Variants in ANKRD60 observed in about 807,000 individuals in gnomAD.
The protein encoded by ANKRD60 is ankyrin repeat domain-containing protein 60.
A neutral mutation model predicts 21.3 loss-of-function variants in ANKRD60; 24 were observed. The observed-to-expected ratio is 1.13, with a 90% CI of 0.82 to 1.59. ANKRD60 has a LOEUF of 1.59. ANKRD60 is among the 40% of genes most tolerant of loss of function. ANKRD60 has a pLI of 0.00. For synonymous variants in ANKRD60, 182 were observed against 199.4 expected, an observed-to-expected ratio of 0.91 and a Z score of 0.74; for missense variants, 490 against 466.7, an observed-to-expected ratio of 1.05 and a Z score of -0.46.
chr20:58,222,799 G>T (rs981270095), intron 2 of ANKRD60, among the ~76,000 whole-genome samples: 1 of 152,148 alleles, frequency 6.6e-6, no homozygotes, highest in Non-Finnish European at 1.5e-5. Flanking sequence ...GTGCTGCCTC[G>T]ACTCCTTTGC....
At chr20:58,221,919 C>A (rs1004929902) in intron 2 of ANKRD60, among the ~76,000 whole-genome samples, 1 of 152,192 alleles carries the variant, frequency 6.6e-6, no homozygotes, top group African/African-American at 2.4e-5. Context: ...TGTGTGCCCA[C>A]TGTCTCCATT....
downstream of ANKRD60, among the ~76,000 whole-genome samples, chr20:58,216,501 A>G (rs1161091713): frequency 6.6e-6 from 1 of 152,238 alleles, no homozygotes; most frequent in African/African-American, 2.4e-5. Flanking sequence ...TTCATTAGCT[A>G]AATGGATTGC....
At chr20:58,223,254 G>C (rs991251908) in intron 1 of ANKRD60, 72 bp from the exon 2 acceptor site, 52 of 1,280,088 alleles carry the variant, frequency 4.1e-5, no homozygotes, top group Non-Finnish European at 5.5e-5. Context: ...GTTAAGTTAA[G>C]AGATTATCTG....
chr20:58,227,607 AT>A (rs1441110059), intron 1 of ANKRD60, among the ~76,000 whole-genome samples: 2 of 151,830 alleles, frequency 1.3e-5, no homozygotes, highest in Admixed American at 1.3e-4. Context: ...GGGCAATTTT[AT>A]TCTGGATTTG....
In ANKRD60 at chr20:58,228,630, C is replaced by A. The variant is rs2033602847; in HGVS notation, c.24G>T (p.Gly8=). The A allele has an allele frequency of 1.0e-6, 1 of 1,000,198 alleles. No individual in the cohort carries two copies. The highest frequency in any genetic ancestry group is 1.2e-6 in the Non-Finnish European group (1 of 833,534). 62.0% of individuals were successfully genotyped at this position (1,000,198 alleles called of 1,614,324 possible). ...CCGCCCCCGCCGCCGCCCGCCGCAT[C>A]CCCCAGGCGCGGCCGCGCGTCATCC... Residue 8 remains glycine, a synonymous_variant, in exon 1 of 4, where the codon GGG becomes GGT. Coordinates refer to ENST00000457363, the Ensembl canonical transcript of ANKRD60. The surrounding 1 kb of genome is among the most constrained non-coding windows in gnomAD (Gnocchi z 5.3).
At chr20:58,218,767 G>T (rs939080849) in exon 4 of ANKRD60, 3 of 1,550,484 alleles carry the variant, frequency 1.9e-6, no homozygotes, top group Non-Finnish European at 1.7e-6. Context: ...ACATGCAGGG[G>T]TGTCCTGCCC....
chr20:58,216,250 C>T (rs1397099814), downstream of ANKRD60, among the ~76,000 whole-genome samples: 1 of 152,144 alleles, frequency 6.6e-6, no homozygotes, highest in African/African-American at 2.4e-5. Context: ...GATGACCCTA[C>T]CACAGACTGA....
chr20:58,224,832 C>T (rs1984333445), intron 1 of ANKRD60, among the ~76,000 whole-genome samples: 1 of 152,158 alleles, frequency 6.6e-6, no homozygotes, highest in Non-Finnish European at 1.5e-5. Context: ...AGACAGGCAG[C>T]CACTGCCTTG....
At chr20:58,227,408 T>C (rs1377301483) in intron 1 of ANKRD60, among the ~76,000 whole-genome samples, 2 of 152,074 alleles carry the variant, frequency 1.3e-5, no homozygotes, top group Non-Finnish European at 2.9e-5. Flanking sequence ...CTGGAAAATC[T>C]GGGGTTCTGA....
intron 1 of ANKRD60, among the ~76,000 whole-genome samples, chr20:58,224,884 C>G (rs1416585400): frequency 6.6e-6 from 1 of 152,186 alleles, no homozygotes; most frequent in African/African-American, 2.4e-5. Context: ...AATAAATTAT[C>G]ACAGTTGACA....
In ANKRD60 at chr20:58,228,617, C is replaced by T; in HGVS notation, c.37G>A (p.Ala13Thr). ...GCCCGCGCTCCGCCCGCCCCCGCCGCCGCCCGCCGCATCCCCCAGGCGCGG... is the reference window on the plus strand; with the variant it reads ...GCCCGCGCTCCGCCCGCCCCCGCCGTCGCCCGCCGCATCCCCCAGGCGCGG... The change falls in exon 1 of 4, where the codon GCG becomes ACG. Residue 13 changes from alanine (A) to threonine (T), a missense_variant. Physicochemically the swap from Ala to Thr is moderately conservative, Grantham distance 58. Transcript: ENST00000457363. The surrounding 1 kb of genome is among the most constrained non-coding windows in gnomAD (Gnocchi z 5.3). The T allele has an allele frequency of 3.9e-6, 4 of 1,028,168 alleles. No individual in the cohort carries two copies. Among genetic ancestry groups the T allele is most frequent in the Non-Finnish European group, 4.7e-6 (4 of 855,850 alleles). The allele number at this position is 1,028,168 out of a possible 1,614,324, so 63.7% of individuals were successfully genotyped here. A position where few individuals can be genotyped will look rare whatever the true frequency, so the allele number is the denominator to read the frequency against.
At chr20:58,223,323 G>T in intron 1 of ANKRD60, 141 bp from the exon 2 acceptor site, 1 of 752,374 alleles carries the variant, frequency 1.3e-6, no homozygotes, top group Non-Finnish European at 2.0e-6. Flanking sequence ...ATTTGATGGT[G>T]TCGCGTGGGT....
At chr20:58,217,255 C>G (rs1330770713), downstream of ANKRD60, among the ~76,000 whole-genome samples, 3 of 151,978 alleles carry the variant, frequency 2.0e-5, no homozygotes, top group Non-Finnish European at 4.4e-5. Flanking sequence ...GTGGTGAAAC[C>G]CCATCTCTAC....
intron 2 of ANKRD60, among the ~76,000 whole-genome samples, chr20:58,222,676 G>T (rs1019889655): frequency 2.8e-4 from 43 of 152,184 alleles, no homozygotes; most frequent in African/African-American, 1.0e-3. Context: ...ACCTGGCGGA[G>T]GCCTGTACCA....
intron 2 of ANKRD60, 90 bp from the exon 3 acceptor site, chr20:58,221,593 G>A (rs1984255160): frequency 5.1e-6 from 7 of 1,381,416 alleles, no homozygotes; most frequent in Admixed American, 2.2e-5. Flanking sequence ...GGGAAGGCTT[G>A]CTTGAATGTC....
chr20:58,228,163 CT>C lies in ANKRD60; in HGVS notation c.430+60del. 6.9e-7 allele frequency: 1 copy of C among 1,457,694 alleles called. No individual in the cohort carries two copies. Among genetic ancestry groups the C allele is most frequent in the South Asian group, 1.4e-5 (1 of 73,440 alleles). The allele number at this position is 1,457,694 out of a possible 1,614,324, so 90.3% of individuals were successfully genotyped here. A position where few individuals can be genotyped will look rare whatever the true frequency, so the allele number is the denominator to read the frequency against. On this transcript the variant is annotated intron_variant, in intron 1 of 3. Transcript: ENST00000457363. The surrounding 1 kb of genome is among the most constrained non-coding windows in gnomAD (Gnocchi z 5.3). ...AAGCAGGCTTCCCTTTGGGAATCCA[CT>C]TCAGAAGTGGACAGGGTGCCCTTGC...
At chr20:58,218,178 G>T (rs1452578559), downstream of ANKRD60, among the ~76,000 whole-genome samples, 1 of 152,190 alleles carries the variant, frequency 6.6e-6, no homozygotes, top group African/African-American at 2.4e-5. Flanking sequence ...TGCATTAGAC[G>T]GTCCCCAGAA....
intron 1 of ANKRD60, among the ~76,000 whole-genome samples, chr20:58,226,071 G>A (rs1425323170): frequency 2.6e-5 from 4 of 152,166 alleles, no homozygotes; most frequent in Non-Finnish European, 5.9e-5. Context: ...TTCCAGCTGG[G>A]CTAGCTTTGA....
intron 2 of ANKRD60, among the ~76,000 whole-genome samples, chr20:58,222,524 G>T (rs1488601630): frequency 2.0e-5 from 3 of 152,140 alleles, no homozygotes; most frequent in Non-Finnish European, 4.4e-5. Context: ...CTTCCCTGTT[G>T]GGTACACATC....
Sources: gnomAD v4.1 joint callset for allele counts (sites outside exome capture counted in the v4.1 genomes callset) on GRCh38, gnomAD v4.1.1 for gene constraint, Gnocchi (gnomAD v3.1) non-coding constraint, MANE v1.5 for transcripts, NCBI Gene and HGNC (gene_info 2026-07-23, HGNC 2026-07-21) for gene names.